DOCK3: variants seen among roughly 807,000 people sequenced by gnomAD.
The protein encoded by DOCK3 is dedicator of cytokinesis protein 3.
A neutral mutation model predicts 265.6 loss-of-function variants in DOCK3; 60 were observed. The observed-to-expected ratio is 0.23, with a 90% CI of 0.18 to 0.28. The LOEUF (loss-of-function observed/expected upper bound fraction) is 0.28, where lower values mean the gene tolerates loss of function less well. Among genes scored for constraint, DOCK3 ranks in the 10% least tolerant of loss-of-function variants. The pLI is 1.00. For synonymous variants in DOCK3, 881 were observed against 938.0 expected (o/e 0.94, Z 1.11); for missense variants, 1,981 against 2,594.3 (o/e 0.76, Z 5.14).
chr3:51,320,126 A>T (rs1325841104), intron 32 of DOCK3, among the ~76,000 whole-genome samples: 1 of 152,210 alleles, frequency 6.6e-6, no homozygotes, highest in Non-Finnish European at 1.5e-5. Flanking sequence ...TACCCAGCTC[A>T]TCTCATTGGG....
At chr3:50,979,649 C>T (rs1172279566) in intron 5 of DOCK3, among the ~76,000 whole-genome samples, 2 of 152,110 alleles carry the variant, frequency 1.3e-5, no homozygotes, top group Non-Finnish European at 2.9e-5. Context: ...TGCAGAACCA[C>T]AAAACAAATA....
intron 21 of DOCK3, among the ~76,000 whole-genome samples, chr3:51,240,843 CT>C (rs2078581340): frequency 6.6e-6 from 1 of 152,170 alleles, no homozygotes; most frequent in African/African-American, 2.4e-5. Flanking sequence ...AGATGGGTCT[CT>C]TTGAAGACAG....
In DOCK3 at chr3:51,365,745, C is replaced by A. The variant is rs547894808; in HGVS notation, c.5293+3071C>A. On this transcript the variant is annotated intron_variant, in intron 49 of 52. Coordinates refer to ENST00000266037, the MANE Select transcript of DOCK3 (RefSeq NM_004947.5). The stretch of plus-strand genomic sequence containing the variant: ...CCTTTTCTGCATCTATTGAGATAGT[C>A]ATGTGGTTTTTGTCTTTGGTTCTGT... Among the ~76,000 whole-genome samples, 12 of 152,296 alleles carry A rather than the reference C, an allele frequency of 7.9e-5. No homozygotes were observed. The East Asian group carries it at 2.3e-3, about 29-fold the overall frequency.
intron 40 of DOCK3, among the ~76,000 whole-genome samples, chr3:51,350,699 GC>G (rs1347901337): frequency 6.6e-6 from 1 of 152,176 alleles, no homozygotes; most frequent in Non-Finnish European, 1.5e-5. Context: ...TCCAACTTCT[GC>G]CTCCAGTGCC....
chr3:51,260,430 G>A (rs2079790276), intron 23 of DOCK3, 104 bp downstream of exon 23: 1 of 1,295,510 alleles, frequency 7.7e-7, no homozygotes, highest in Admixed American at 2.9e-5. Context: ...CCAGGATCAT[G>A]TGTGTTGGGT....
chr3:51,014,241 C>T (rs1215480536), intron 5 of DOCK3, among the ~76,000 whole-genome samples: 1 of 151,910 alleles, frequency 6.6e-6, no homozygotes, highest in African/African-American at 2.4e-5. Flanking sequence ...CACCCATCTT[C>T]TGTGTTGATC....
intron 19 of DOCK3, among the ~76,000 whole-genome samples, chr3:51,234,985 A>C (rs1249592958): frequency 6.6e-6 from 1 of 152,218 alleles, no homozygotes; most frequent in Non-Finnish European, 1.5e-5. Context: ...TTAAATCTGG[A>C]GAAGGCATCC....
At chr3:51,027,146 G>T (rs970847944) in intron 5 of DOCK3, among the ~76,000 whole-genome samples, 1 of 151,920 alleles carries the variant, frequency 6.6e-6, no homozygotes, top group Non-Finnish European at 1.5e-5. Context: ...GTTTTGGTGT[G>T]TTGTGTTTCT....
intron 5 of DOCK3, among the ~76,000 whole-genome samples, chr3:51,017,487 G>C (rs1451988509): frequency 6.6e-6 from 1 of 151,524 alleles, no homozygotes; most frequent in Non-Finnish European, 1.5e-5. Flanking sequence ...TTTAGACATG[G>C]GTACTTGTAG....
intron 4 of DOCK3, among the ~76,000 whole-genome samples, chr3:50,913,358 T>C (rs1178016466): frequency 1.3e-5 from 2 of 151,988 alleles, no homozygotes; most frequent in Non-Finnish European, 2.9e-5. Flanking sequence ...TCCCACTCTT[T>C]CCTTTCCTTA....
At chr3:50,935,107 A>G (rs1004219227) in intron 5 of DOCK3, among the ~76,000 whole-genome samples, 4 of 152,188 alleles carry the variant, frequency 2.6e-5, no homozygotes, top group Non-Finnish European at 5.9e-5. Flanking sequence ...CAACTTGGAA[A>G]TGCTAGTGGG....
chr3:51,078,433 T>C (rs944351992), intron 7 of DOCK3, among the ~76,000 whole-genome samples: 2 of 152,128 alleles, frequency 1.3e-5, no homozygotes, highest in African/African-American at 4.8e-5. Flanking sequence ...AGGAATCATA[T>C]TAAAAACTTT....
At chr3:50,678,324 C>T (rs1471114394) in intron 1 of DOCK3, among the ~76,000 whole-genome samples, 1 of 152,088 alleles carries the variant, frequency 6.6e-6, no homozygotes, top group African/African-American at 2.4e-5. Context: ...TCTACCTTTC[C>T]AAGAAGCTTC....
In DOCK3 at chr3:50,970,946, T is replaced by C. The variant is rs1299115370; in HGVS notation, c.315+36869T>C. 9.1e-4 allele frequency among the ~76,000 whole-genome samples: 65 copies of C among 71,310 alleles called. 1 individual carries two copies. Among genetic ancestry groups the C allele is most frequent in the Non-Finnish European group, 1.5e-3 (61 of 40,054 alleles). The allele number at this position is 71,310 out of a possible 152,430, so 46.8% of individuals were successfully genotyped here. ...ATATATATATATATATATATATATA[T>C]AATGTGTGTGTGTGTGTGTGTATAT... On this transcript the variant is annotated intron_variant, in intron 5 of 52. Transcript: ENST00000266037.
At chr3:51,077,764 A>T (rs989931388) in intron 7 of DOCK3, among the ~76,000 whole-genome samples, 1 of 152,220 alleles carries the variant, frequency 6.6e-6, no homozygotes, top group African/African-American at 2.4e-5. Flanking sequence ...GATTCCTTTT[A>T]GACATCCCAC....
At chr3:51,118,115 A>G (rs556490210) in intron 9 of DOCK3, among the ~76,000 whole-genome samples, 1 of 152,272 alleles carries the variant, frequency 6.6e-6, no homozygotes, top group African/African-American at 2.4e-5. Context: ...ATTTCTCTCT[A>G]AACACTGCTT....
chr3:51,206,572 A>AT (rs2089224220), intron 12 of DOCK3, among the ~76,000 whole-genome samples: 1 of 152,052 alleles, frequency 6.6e-6, no homozygotes. Context: ...TAAAAAAAAA[A>AT]GAGAGAGACG....
chr3:50,791,188 A>G (rs1266431487), intron 2 of DOCK3, among the ~76,000 whole-genome samples: 1 of 147,958 alleles, frequency 6.8e-6, no homozygotes, highest in Non-Finnish European at 1.5e-5. Context: ...GCCTGTTCCT[A>G]TGTTCCGAAT....
chr3:50,770,700 A>G (rs145229648), intron 1 of DOCK3, among the ~76,000 whole-genome samples: 5 of 152,304 alleles, frequency 3.3e-5, no homozygotes, highest in African/African-American at 1.2e-4. Flanking sequence ...TATGCTACAT[A>G]TAGACGCATA....
Sources: gnomAD v4.1 joint callset for allele counts (sites outside exome capture counted in the v4.1 genomes callset) on GRCh38, gnomAD v4.1.1 for gene constraint, MANE v1.5 for transcripts, NCBI Gene and HGNC (gene_info 2026-07-23, HGNC 2026-07-21) for gene names.